Variants in FLNB observed in about 807,000 individuals in gnomAD.
The protein encoded by FLNB is filamin B, also known as filamin-B.
FLNB carries 111 observed loss-of-function variants against 250.6 expected under a neutral mutation model. The observed-to-expected ratio is 0.44, with a 90% confidence interval of 0.38 to 0.52. The LOEUF is 0.52. Among genes scored for constraint, FLNB ranks in the 20% least tolerant of loss-of-function variants. The probability of loss-of-function intolerance (pLI) is 0.00; values close to 1 mark genes in which losing one functional copy is unlikely to be tolerated. For missense variants in FLNB, 2,869 were observed against 3,447.8 expected, an observed-to-expected ratio of 0.83 and a Z score of 4.20; for synonymous variants, 1,302 against 1,372.1, an observed-to-expected ratio of 0.95 and a Z score of 1.13.
Position 58,117,056 on chromosome 3 carries a change from T to C in FLNB, c.2746-1816T>C, listed in dbSNP as rs147276449. On this transcript the variant is annotated intron_variant, in intron 18 of 45. Transcript: ENST00000295956. Reference sequence around the variant, plus strand: ...TCTGAGCTGTCTGGTCAGTGTCTTGTGTATGTATATTTTGAAGAATAAGAT... The same window carrying C: ...TCTGAGCTGTCTGGTCAGTGTCTTGCGTATGTATATTTTGAAGAATAAGAT... Among the ~76,000 whole-genome samples the C allele has an allele frequency of 1.9e-3, 283 of 152,252 alleles. 1 individual carries two copies. The highest frequency in any genetic ancestry group is 6.8e-3 in the Middle Eastern group (2 of 294).
intron 1 of FLNB, among the ~76,000 whole-genome samples, chr3:58,016,379 C>A (rs12715519): frequency 0.33 from 49,879 of 151,468 alleles, 9,054 homozygotes; most frequent in East Asian, 0.5. Context: ...GGTAGTAAAC[C>A]CAGCCAAAAG....
chr3:58,120,049 C>T (rs13077017), intron 19 of FLNB, among the ~76,000 whole-genome samples: 31,148 of 152,154 alleles, frequency 0.2, 4,087 homozygotes, highest in Middle Eastern at 0.33. Context: ...TGAGTGCATA[C>T]CCCCAGGACG....
At chr3:58,148,065 G>A (rs941527666) in intron 34 of FLNB, 141 bp from the exon 35 acceptor site, 1 of 830,250 alleles carries the variant, frequency 1.2e-6, no homozygotes, top group South Asian at 1.5e-5. Context: ...TCTACTCAGT[G>A]TTCAAGGCTC....
chr3:58,163,118 C>T (rs765374142), intron 42 of FLNB, 36 bp from the exon 43 acceptor site: 1 of 1,610,836 alleles, frequency 6.2e-7, no homozygotes, highest in Non-Finnish European at 8.5e-7. Flanking sequence ...TGTCCATTTG[C>T]TTGATTTCAC....
At chr3:58,011,337 C>T (rs9846506) in intron 1 of FLNB, among the ~76,000 whole-genome samples, 2,510 of 152,310 alleles carry the variant, frequency 0.016, 85 homozygotes, top group African/African-American at 0.058. Flanking sequence ...TCTTCCTGTT[C>T]CTACCACAAC....
chr3:58,171,115 C>T lies in FLNB; in HGVS notation c.*353C>T, dbSNP rs2107349031. On this transcript the variant is annotated 3_prime_UTR_variant, in exon 46 of 46. Transcript: ENST00000295956. This position sits in a 1 kb window ranked among gnomAD's most constrained non-coding sequence, Gnocchi z 5.5. ...GGCTAGCCTGAGCTGCTGGTTCACTCTTCAGCATTTATGAAACAAGGCTAG... is the reference window on the plus strand; with the variant it reads ...GGCTAGCCTGAGCTGCTGGTTCACTTTTCAGCATTTATGAAACAAGGCTAG... 1 of 265,700 alleles carries T rather than the reference C, an allele frequency of 3.8e-6. No individual in the cohort carries two copies. Among genetic ancestry groups the T allele is most frequent in the East Asian group, 9.4e-5 (1 of 10,606 alleles). The allele number at this position is 265,700 out of a possible 1,614,324, so 16.5% of individuals were successfully genotyped here.
chr3:58,153,872 G>A (rs969066044), intron 39 of FLNB, among the ~76,000 whole-genome samples: 3 of 152,176 alleles, frequency 2.0e-5, no homozygotes, highest in Admixed American at 1.3e-4. Context: ...CTTGGAGCCC[G>A]TATCTTATTA....
In FLNB at chr3:58,109,303, T is replaced by C. The variant is rs200912807; in HGVS notation, c.2180T>C (p.Ile727Thr). Residue 727 changes from isoleucine to threonine, a missense_variant, in exon 14 of 46, where the codon ATC (isoleucine) becomes ACC (threonine). Around this residue, in one of 5 missense-constraint regions of FLNB, gnomAD observed 1,348 missense variants for 1,466.7 expected, o/e 0.92. Transcript: ENST00000295956. ...GCTGTGGTCTGGGGAGGCGTGAACA[T>C]CCCGCACAGCCCCTACAGGGTAGGT... is the stretch of plus-strand genomic sequence containing the variant. ...TIAVVWGGVN[I>T]PHSPYRVNIG... 2 of 1,614,018 alleles carry C rather than the reference T, an allele frequency of 1.2e-6. No individual in the cohort carries two copies. Among genetic ancestry groups the C allele is most frequent in the Admixed American group, 1.7e-5 (1 of 60,008 alleles).
chr3:58,069,152 AAAG>A (rs1334240775), intron 1 of FLNB, among the ~76,000 whole-genome samples: 1 of 151,066 alleles, frequency 6.6e-6, no homozygotes, highest in African/African-American at 2.4e-5. Context: ...AAAAAAAAAA[AAAG>A]GAGGGGCCAG....
rs747958644 is a variant in FLNB, at chr3:58,106,672, C to G, written c.1748-8C>G. The G allele has an allele frequency of 1.2e-6, 2 of 1,613,746 alleles. No individual in the cohort carries two copies. Among genetic ancestry groups the G allele is most frequent in the Admixed American group, 1.7e-5 (1 of 60,008 alleles). On this transcript the variant is annotated splice_region_variant and splice_polypyrimidine_tract_variant and intron_variant, in intron 11 of 45. Coordinates refer to ENST00000295956, the MANE Select transcript of FLNB (RefSeq NM_001457.4). ...AACCAGGGAGACCCTTCCACCTCCACCCCCTAGGGTTTGCCATTGAAGGCC... is the reference window on the plus strand; with the variant it reads ...AACCAGGGAGACCCTTCCACCTCCAGCCCCTAGGGTTTGCCATTGAAGGCC...
chr3:58,078,892 C>A (rs1326318369), intron 3 of FLNB, 78 bp downstream of exon 3: 3 of 1,019,938 alleles, frequency 2.9e-6, no homozygotes, highest in Non-Finnish European at 4.5e-6. Flanking sequence ...CCGGGTCAGG[C>A]AGCCCGACCT....
intron 1 of FLNB, among the ~76,000 whole-genome samples, chr3:58,011,940 G>A (rs927751041): frequency 2.0e-5 from 3 of 152,212 alleles, no homozygotes; most frequent in South Asian, 2.1e-4. Context: ...GCTGGATGCC[G>A]TGGCTCACGC....
chr3:58,158,311 A>T (rs775578393), intron 41 of FLNB, among the ~76,000 whole-genome samples: 10 of 152,216 alleles, frequency 6.6e-5, no homozygotes, highest in Admixed American at 1.3e-4. Flanking sequence ...GGCCAGAGGA[A>T]CCAAGGAGCT....
intron 8 of FLNB, 33 bp downstream of exon 8, chr3:58,098,941 T>C (rs1304747384): frequency 1.9e-6 from 3 of 1,581,506 alleles, no homozygotes; most frequent in Non-Finnish European, 2.6e-6. Context: ...CATGTGCTTC[T>C]CATAGGGAAG....
intron 43 of FLNB, among the ~76,000 whole-genome samples, chr3:58,166,764 G>A (rs1172928725): frequency 6.6e-6 from 1 of 152,044 alleles, no homozygotes; most frequent in Non-Finnish European, 1.5e-5. Flanking sequence ...TGACGCTGTG[G>A]TGAGCTGTGA....
intron 9 of FLNB, 82 bp from the exon 10 acceptor site, chr3:58,103,877 G>C (rs1576723323): frequency 6.4e-7 from 1 of 1,552,356 alleles, no homozygotes; most frequent in South Asian, 1.1e-5. Flanking sequence ...GTTCAGTGTG[G>C]CTGCCTCTCT....
At chr3:58,010,458 C>A (rs962456414) in intron 1 of FLNB, among the ~76,000 whole-genome samples, 1 of 152,182 alleles carries the variant, frequency 6.6e-6, no homozygotes, top group Admixed American at 6.5e-5. Flanking sequence ...CAGCCCTCCC[C>A]CTCCCCAAGG....
At chr3:58,104,970 A>G (rs1293676243) in intron 10 of FLNB, 110 bp from the exon 11 acceptor site, 1 of 1,454,342 alleles carries the variant, frequency 6.9e-7, no homozygotes, top group East Asian at 2.3e-5. Flanking sequence ...GGGATGCCAG[A>G]TGAAAGGATC....
intron 45 of FLNB, among the ~76,000 whole-genome samples, chr3:58,170,342 T>C (rs1406796548): frequency 6.6e-6 from 1 of 152,142 alleles, no homozygotes; most frequent in East Asian, 1.9e-4. Context: ...GAAGCTGAGC[T>C]AGGGAGAGGT....
Sources: gnomAD v4.1 joint callset for allele counts (sites outside exome capture counted in the v4.1 genomes callset) on GRCh38, gnomAD v4.1.1 for gene constraint, gnomAD v4.1.1 regional missense constraint, Gnocchi (gnomAD v3.1) non-coding constraint, MANE v1.5 for transcripts, NCBI Gene and HGNC (gene_info 2026-07-23, HGNC 2026-07-21) for gene names.